The following RPL27A variants were observed in gnomAD, a reference collection of about 807,000 sequenced individuals.
RPL27A encodes ribosomal protein L27a.
For missense variants in RPL27A, 118 were observed against 189.4 expected, an observed-to-expected ratio of 0.62 and a Z score of 2.21; for synonymous variants, 69 against 68.3, an observed-to-expected ratio of 1.01 and a Z score of -0.05.
chr11:8,682,934 C>CACCCT, intron 1 of RPL27A, 118 bp downstream of exon 1: 2 of 1,357,018 alleles, frequency 1.5e-6, no homozygotes, highest in Non-Finnish European at 2.0e-6. Flanking sequence ...TGCGCATGGC[C>CACCCT]GCCTGCGGGG....
chr11:8,683,940 C>G (rs772815622), intron 2 of RPL27A, 66 bp from the exon 3 acceptor site: 3 of 1,334,800 alleles, frequency 2.2e-6, no homozygotes, highest in African/African-American at 2.9e-5. Flanking sequence ...CCCTCGTCCT[C>G]CTAAAATGCT....
At chr11:8,685,025 TCA>T in intron 4 of RPL27A, 133 bp downstream of exon 4, 1 of 898,262 alleles carries the variant, frequency 1.1e-6, no homozygotes, top group Admixed American at 2.0e-5. Context: ...GGTAGAATTA[TCA>T]TAGGTAGTTC....
rs1290772045 is a variant in RPL27A at position 8,683,280 on chromosome 11, C to T, written c.67+15C>T. 6.2e-7 allele frequency: 1 copy of T among 1,613,412 alleles called. No individual in the cohort carries two copies. Among genetic ancestry groups the T allele is most frequent in the East Asian group, 2.2e-5 (1 of 44,888 alleles). Reference sequence around the variant, plus strand: ...CGGCCGCATAGGTAAGTGCCGGCTTCCCCTCGGGGTGGGCCTTGGGCTCTC... The same window carrying T: ...CGGCCGCATAGGTAAGTGCCGGCTTTCCCTCGGGGTGGGCCTTGGGCTCTC... On this transcript the variant is annotated intron_variant, in intron 2 of 4. Coordinates refer to ENST00000314138, the MANE Select transcript of RPL27A (RefSeq NM_000990.5).
In RPL27A at chr11:8,688,965, C is replaced by T. The variant is rs1227724670; in HGVS notation, c.*3159C>T. On this transcript the variant is annotated 3_prime_UTR_variant, in exon 5 of 5. Coordinates refer to ENST00000314138, the MANE Select transcript of RPL27A (RefSeq NM_000990.5). Reference sequence around the variant, plus strand: ...CGGACCTTGGGTCTTACCCCGGCACCTGAGAACCACTTCCGGTGAGTAGCT... The same window carrying T: ...CGGACCTTGGGTCTTACCCCGGCACTTGAGAACCACTTCCGGTGAGTAGCT... The T allele has an allele frequency of 6.6e-6, 1 of 152,288 alleles. No individual in the cohort carries two copies. The highest frequency in any genetic ancestry group is 1.5e-5 in the Non-Finnish European group (1 of 68,056). 9.4% of individuals were successfully genotyped at this position (152,288 alleles called of 1,614,324 possible). A position where few individuals can be genotyped will look rare whatever the true frequency, so the allele number is the denominator to read the frequency against.
In RPL27A at chr11:8,686,775, G is replaced by GT. The variant is rs2039591027; in HGVS notation, c.*970dup. ...GTCTCTTGCTATTGGAAAACTGATG[G>GT]TGACCAATTCATGTTTACAAATAAG... On this transcript the variant is annotated 3_prime_UTR_variant, in exon 5 of 5. Transcript: ENST00000314138. The GT allele has an allele frequency of 6.6e-6, 1 of 152,100 alleles. No individual in the cohort carries two copies. Among genetic ancestry groups the GT allele is most frequent in the Non-Finnish European group, 1.5e-5 (1 of 68,010 alleles). 9.4% of individuals were successfully genotyped at this position (152,100 alleles called of 1,614,324 possible).
At chr11:8,685,220 A>T (rs2039575027) in intron 4 of RPL27A, 1 of 435,648 alleles carries the variant, frequency 2.3e-6, no homozygotes, top group African/African-American at 2.0e-5. Context: ...TTTCCCCCAA[A>T]ACAGATGTAT....
Position 8,682,803 on chromosome 11 carries a change from G to C in RPL27A, c.-11G>C. On this transcript the variant is annotated 5_prime_UTR_variant, in exon 1 of 5. Transcript: ENST00000314138. ...TGGCGAAGGCCTTCCTTTTTCGTCT[G>C]GGCTGCCAACATGGTAGGTGTTTCG... The C allele has an allele frequency of 6.2e-7, 1 of 1,613,300 alleles. No homozygotes were observed. Among genetic ancestry groups the C allele is most frequent in the Non-Finnish European group, 8.5e-7 (1 of 1,179,596 alleles).
chr11:8,684,872 A>G lies in RPL27A; in HGVS notation c.298A>G (p.Ile100Val), dbSNP rs115884052. Residue 100 changes from isoleucine to valine, a missense_variant, in exon 4 of 5, where the codon ATC becomes GTC. Ile to Val is a conservative substitution (Grantham distance 29). Transcript: ENST00000314138. ...TAAAAACAAGACTGGGGCTGCTCCCATCATTGATGTGGTGCGATCGGTAAG... is the reference window on the plus strand; with the variant it reads ...TAAAAACAAGACTGGGGCTGCTCCCGTCATTGATGTGGTGCGATCGGTAAG... ...AAKNKTGAAP[I>V]IDVVRSGYYK... 7.4e-6 allele frequency: 12 copies of G among 1,614,066 alleles called. No homozygotes were observed. The highest frequency in any genetic ancestry group is 1.6e-4 in the Middle Eastern group (1 of 6,084).
intron 3 of RPL27A, 31 bp from the exon 4 acceptor site, chr11:8,684,687 G>A: frequency 1.3e-6 from 2 of 1,593,634 alleles, no homozygotes; most frequent in Non-Finnish European, 1.7e-6. Flanking sequence ...TAATTGGAGT[G>A]TGTATGAAGG....
At chr11:8,683,344 A>G in intron 2 of RPL27A, 79 bp downstream of exon 2, 1 of 1,281,672 alleles carries the variant, frequency 7.8e-7, no homozygotes, top group Non-Finnish European at 1.1e-6. Context: ...GTAGCCTATA[A>G]GTGGGTTAGA....
rs760354952 is a variant in RPL27A at position 8,687,389 on chromosome 11, T to TCCCCCCCCCCCCCC, written c.*1585_*1586insCCCCCCCCCCCCCC. On this transcript the variant is annotated 3_prime_UTR_variant, in exon 5 of 5. Transcript: ENST00000314138. Reference sequence around the variant, plus strand: ...CTTGGGCAACAAGAGTGAAACTCTGTCCACCCCCCCCAAAAAAAGTAAGGG... The same window carrying TCCCCCCCCCCCCCC: ...CTTGGGCAACAAGAGTGAAACTCTGTCCCCCCCCCCCCCCCCACCCCCCCCAAAAAAAGTAAGGG... 1 of 100,802 alleles carries TCCCCCCCCCCCCCC rather than the reference T, an allele frequency of 9.9e-6. No individual in the cohort carries two copies. Among genetic ancestry groups the TCCCCCCCCCCCCCC allele is most frequent in the African/African-American group, 3.3e-5 (1 of 30,362 alleles). 6.2% of individuals were successfully genotyped at this position (100,802 alleles called of 1,614,324 possible). A position where few individuals can be genotyped will look rare whatever the true frequency, so the allele number is the denominator to read the frequency against.
At chr11:8,684,599 C>A in intron 3 of RPL27A, 119 bp from the exon 4 acceptor site, 2 of 847,406 alleles carry the variant, frequency 2.4e-6, no homozygotes, top group Non-Finnish European at 3.9e-6. Context: ...TATCATATGC[C>A]TGACACTGCT....
intron 3 of RPL27A, chr11:8,684,485 T>C (rs2039564647): frequency 5.9e-6 from 4 of 682,210 alleles, no homozygotes; most frequent in Non-Finnish European, 1.1e-5. Flanking sequence ...CGGCCCTGCC[T>C]CTGACATTGT....
intron 1 of RPL27A, 55 bp from the exon 2 acceptor site, chr11:8,683,147 C>T (rs1592234341): frequency 1.3e-6 from 2 of 1,544,466 alleles, no homozygotes; most frequent in African/African-American, 1.4e-5. Context: ...GGCTGGCGGG[C>T]ATCGCCCCCT....
At position 8,689,388 on chromosome 11, in the gene RPL27A, TAAA is replaced by T. The variant is rs1184264206; in HGVS notation, c.*3584_*3586del. On this transcript the variant is annotated 3_prime_UTR_variant, in exon 5 of 5. Transcript: ENST00000314138. ...CGGATGGAAATATTCTAGAAGAACA[TAAA>T]AGGAATTTCCTCTTAGGAGGTTAGG... The T allele has an allele frequency of 1.3e-5, 2 of 150,590 alleles. No homozygotes were observed. Among genetic ancestry groups the T allele is most frequent in the Non-Finnish European group, 3.0e-5 (2 of 67,794 alleles). The allele number at this position is 150,590 out of a possible 1,614,324, so 9.3% of individuals were successfully genotyped here. A position where few individuals can be genotyped will look rare whatever the true frequency, so the allele number is the denominator to read the frequency against.
chr11:8,685,771 A>G lies in RPL27A; in HGVS notation c.412A>G (p.Lys138Glu). The change falls in exon 5 of 5, where the codon AAG becomes GAG. Residue 138 changes from lysine (K) to glutamate (E), a missense_variant. Coordinates refer to ENST00000314138, the MANE Select transcript of RPL27A (RefSeq NM_000990.5). Reference protein sequence around the residue: ...FFSRRAEEKIKSVGGACVLVA With the variant: ...FFSRRAEEKIESVGGACVLVA ...CAGCAGAAGAGCTGAGGAGAAGATTAAGAGTGTTGGGGGGGCCTGTGTCCT... is the reference window on the plus strand; with the variant it reads ...CAGCAGAAGAGCTGAGGAGAAGATTGAGAGTGTTGGGGGGGCCTGTGTCCT... 6.2e-7 allele frequency: 1 copy of G among 1,614,014 alleles called. No homozygotes were observed. The highest frequency in any genetic ancestry group is 8.5e-7 in the Non-Finnish European group (1 of 1,179,904).
chr11:8,685,268 G>C, intron 4 of RPL27A: 1 of 446,222 alleles, frequency 2.2e-6, no homozygotes, highest in South Asian at 1.9e-5. Context: ...CCCTGTGTCA[G>C]TCTTAACTCT....
intron 1 of RPL27A, 184 bp downstream of exon 1, chr11:8,683,000 C>T: frequency 2.2e-6 from 2 of 894,512 alleles, no homozygotes; most frequent in Non-Finnish European, 3.4e-6. Flanking sequence ...GTTAGGCCCG[C>T]GGTTCGGATC....
chr11:8,683,086 C>T (rs1395157119), intron 1 of RPL27A, 116 bp from the exon 2 acceptor site: 10 of 1,163,906 alleles, frequency 8.6e-6, no homozygotes, highest in Non-Finnish European at 1.3e-5. Context: ...TCAGCTTTCC[C>T]AAACGCTCCA....
Sources: allele counts gnomAD v4.1 joint callset, GRCh38; gene constraint gnomAD v4.1.1; transcripts MANE v1.5; gene names NCBI Gene and HGNC (gene_info 2026-07-23, HGNC 2026-07-21).